The following DGKB variants were observed in gnomAD, a reference collection of about 807,000 sequenced individuals.
The protein encoded by DGKB is diacylglycerol kinase beta.
A neutral mutation model predicts 114.3 loss-of-function variants in DGKB; 67 were observed. The observed-to-expected ratio is 0.59, with a 90% CI of 0.48 to 0.72. The LOEUF is 0.72. Among genes scored for constraint, DGKB ranks in the 30% least tolerant of loss-of-function variants. The pLI, the probability that DGKB is intolerant of heterozygous loss-of-function variation, is 0.00. For synonymous variants in DGKB, 398 were observed against 323.1 expected (o/e 1.23, Z -2.49); for missense variants, 907 against 975.2 (o/e 0.93, Z 0.93).
chr7:14,618,864 C>T (rs539260415), intron 15 of DGKB, among the ~76,000 whole-genome samples: 3 of 150,934 alleles, frequency 2.0e-5, no homozygotes, highest in Non-Finnish European at 3.0e-5. Flanking sequence ...TGGGCTGCAA[C>T]TCAATGCTTT....
intron 20 of DGKB, among the ~76,000 whole-genome samples, chr7:14,560,211 A>G (rs1369220846): frequency 6.6e-6 from 1 of 152,032 alleles, no homozygotes; most frequent in Non-Finnish European, 1.5e-5. Context: ...ACAACATCAG[A>G]ACTTAGGACT....
chr7:14,786,927 C>G (rs1839987886), intron 2 of DGKB, among the ~76,000 whole-genome samples: 1 of 152,182 alleles, frequency 6.6e-6, no homozygotes, highest in Non-Finnish European at 1.5e-5. Flanking sequence ...GAAGAACTAC[C>G]CACTGTGGAT....
chr7:14,911,142 T>C (rs1181111214), intron 1 of DGKB, among the ~76,000 whole-genome samples: 2 of 152,036 alleles, frequency 1.3e-5, no homozygotes, highest in African/African-American at 4.8e-5. Context: ...AGTTATCAAT[T>C]TTTTGTAGTG....
At chr7:14,551,003 T>C (rs1795024432) in intron 20 of DGKB, among the ~76,000 whole-genome samples, 1 of 152,188 alleles carries the variant, frequency 6.6e-6, no homozygotes, top group African/African-American at 2.4e-5. Context: ...TTCCTTTGTG[T>C]TTTCAGTAAA....
intron 21 of DGKB, among the ~76,000 whole-genome samples, chr7:14,434,049 C>T (rs998116401): frequency 2.0e-5 from 3 of 152,114 alleles, no homozygotes; most frequent in African/African-American, 7.2e-5. Context: ...GAACATTTAG[C>T]ACTTCAGAGT....
chr7:14,832,153 A>G (rs935459633), intron 2 of DGKB, among the ~76,000 whole-genome samples: 1 of 152,052 alleles, frequency 6.6e-6, no homozygotes, highest in East Asian at 1.9e-4. Flanking sequence ...TCTTAATTAC[A>G]CCGTTGAGAA....
intron 21 of DGKB, among the ~76,000 whole-genome samples, chr7:14,366,728 T>C (rs556793796): frequency 5.9e-5 from 9 of 152,224 alleles, no homozygotes; most frequent in Admixed American, 2.0e-4. Flanking sequence ...ATATTATAAT[T>C]AGGCATGTTT....
chr7:14,635,552 G>A (rs1422872647), intron 13 of DGKB, among the ~76,000 whole-genome samples: 1 of 151,378 alleles, frequency 6.6e-6, no homozygotes, highest in African/African-American at 2.4e-5. Context: ...GAGGGGAGCT[G>A]ATATTTAGAG....
intron 23 of DGKB, among the ~76,000 whole-genome samples, chr7:14,320,631 C>T (rs1294921953): frequency 1.3e-5 from 2 of 151,110 alleles, no homozygotes; most frequent in East Asian, 3.9e-4. Flanking sequence ...TATATATAGT[C>T]CTGTAGGGTC....
intron 21 of DGKB, among the ~76,000 whole-genome samples, chr7:14,355,149 C>T (rs918362793): frequency 1.3e-5 from 2 of 152,136 alleles, no homozygotes; most frequent in Non-Finnish European, 2.9e-5. Flanking sequence ...CTCTCTCCCC[C>T]TCCCTCCCTC....
upstream of DGKB, among the ~76,000 whole-genome samples, chr7:14,906,489 T>C (rs1783714773): frequency 1.4e-5 from 2 of 138,984 alleles, no homozygotes; most frequent in Non-Finnish European, 3.1e-5. Flanking sequence ...AGTCTCGCTC[T>C]ATTGCCCAGG....
chr7:14,541,938 A>G (rs900491821), intron 20 of DGKB, among the ~76,000 whole-genome samples: 2 of 152,088 alleles, frequency 1.3e-5, no homozygotes, highest in African/African-American at 2.4e-5. Context: ...CAGTTATCCT[A>G]CCCAATTTCC....
intron 1 of DGKB, among the ~76,000 whole-genome samples, chr7:14,868,844 T>C (rs1562769522): frequency 1.3e-5 from 2 of 152,158 alleles, no homozygotes; most frequent in African/African-American, 4.8e-5. Flanking sequence ...GCAGATTCTG[T>C]TGCATATTTA....
intron 23 of DGKB, among the ~76,000 whole-genome samples, chr7:14,235,904 C>G (rs1221049742): frequency 6.6e-6 from 1 of 151,940 alleles, no homozygotes; most frequent in Non-Finnish European, 1.5e-5. Flanking sequence ...GGTATGCTTA[C>G]CTAGTGCACG....
Position 14,423,676 on chromosome 7 carries a change from CT to C in DGKB, c.1835+54484del, listed in dbSNP as rs1827078697. On this transcript the variant is annotated intron_variant, in intron 21 of 25. Transcript: ENST00000402815. ...TGGACTAAAATTCAGAACAGAACTTCTTTTACGAAGTTAACAGAGATAATTG... is the reference window on the plus strand; with the variant it reads ...TGGACTAAAATTCAGAACAGAACTTCTTTACGAAGTTAACAGAGATAATTG... Among the ~76,000 whole-genome samples the C allele has an allele frequency of 4.6e-5, 7 of 152,168 alleles. No homozygotes were observed. The South Asian group carries it at 1.5e-3, about 32-fold the overall frequency.
intron 23 of DGKB, among the ~76,000 whole-genome samples, chr7:14,235,664 C>T (rs1200396837): frequency 2.0e-5 from 3 of 152,004 alleles, no homozygotes; most frequent in Non-Finnish European, 4.4e-5. Flanking sequence ...AAGTAAAGCA[C>T]CACTAAACAG....
chr7:14,580,050 T>G (rs187719688), intron 19 of DGKB, among the ~76,000 whole-genome samples: 2 of 152,298 alleles, frequency 1.3e-5, no homozygotes, highest in Admixed American at 1.3e-4. Flanking sequence ...ATATAGCCTA[T>G]TAGTGACTCT....
intron 20 of DGKB, among the ~76,000 whole-genome samples, chr7:14,559,030 T>G (rs1018179677): frequency 7.2e-5 from 11 of 152,164 alleles, no homozygotes; most frequent in Admixed American, 7.2e-4. Context: ...CCTCCAAATA[T>G]TCCCCTGGGA....
At chr7:14,598,637 T>C (rs1036695598) in intron 17 of DGKB, among the ~76,000 whole-genome samples, 2 of 152,210 alleles carry the variant, frequency 1.3e-5, no homozygotes, top group Admixed American at 6.5e-5. Flanking sequence ...TATTTTTTGT[T>C]TTGAAATTCA....
Sources: gnomAD v4.1 joint callset for allele counts (sites outside exome capture counted in the v4.1 genomes callset) on GRCh38, gnomAD v4.1.1 for gene constraint, MANE v1.5 for transcripts, NCBI Gene and HGNC (gene_info 2026-07-23, HGNC 2026-07-21) for gene names.